CTNNA3: variants seen among roughly 807,000 people sequenced by gnomAD.
The protein encoded by CTNNA3 is catenin alpha 3.
A neutral mutation model predicts 95.7 loss-of-function variants in CTNNA3; 76 were observed. The observed-to-expected ratio is 0.79, with a 90% CI of 0.66 to 0.96. The LOEUF is 0.96. Ranked by LOEUF, CTNNA3 falls within the 40% of genes least tolerant of loss-of-function variation. CTNNA3 has a pLI of 0.00. For synonymous variants in CTNNA3, 431 were observed against 374.4 expected, an observed-to-expected ratio of 1.15 and a Z score of -1.74; for missense variants, 1,191 against 1,089.8, an observed-to-expected ratio of 1.09 and a Z score of -1.31.
chr10:67,682,548 T>TAA (rs1840647819), intron 1 of CTNNA3, among the ~76,000 whole-genome samples: 1 of 152,182 alleles, frequency 6.6e-6, no homozygotes, highest in African/African-American at 2.4e-5. Context: ...GTTAGGAACA[T>TAA]AAGCTCTTAG....
intron 7 of CTNNA3, among the ~76,000 whole-genome samples, chr10:66,991,916 A>G (rs1006671677): frequency 1.3e-5 from 2 of 151,600 alleles, no homozygotes; most frequent in Non-Finnish European, 2.9e-5. Context: ...TCTATTCACC[A>G]CTCCTGTTGG....
At chr10:66,025,744 A>C (rs763751569) in intron 15 of CTNNA3, among the ~76,000 whole-genome samples, 2 of 152,178 alleles carry the variant, frequency 1.3e-5, no homozygotes, top group Admixed American at 1.3e-4. Flanking sequence ...CAGCAATGAG[A>C]TATATCAAGC....
intron 15 of CTNNA3, among the ~76,000 whole-genome samples, chr10:66,049,541 C>T (rs559326959): frequency 1.3e-5 from 2 of 152,228 alleles, no homozygotes; most frequent in Middle Eastern, 3.4e-3. Context: ...TGGAATCAAC[C>T]TAAATGCCCA....
chr10:67,314,280 G>A (rs1373992622), intron 5 of CTNNA3, among the ~76,000 whole-genome samples: 1 of 152,188 alleles, frequency 6.6e-6, no homozygotes, highest in East Asian at 1.9e-4. Context: ...ACTAACTGCA[G>A]TCATTTTCGC....
chr10:66,935,863 T>G (rs1847667163), intron 7 of CTNNA3, among the ~76,000 whole-genome samples: 1 of 150,634 alleles, frequency 6.6e-6, no homozygotes, highest in Non-Finnish European at 1.5e-5. Context: ...CCTATACATT[T>G]TCACTTCTTT....
chr10:67,606,488 T>A (rs1843274885), intron 3 of CTNNA3, among the ~76,000 whole-genome samples: 1 of 152,224 alleles, frequency 6.6e-6, no homozygotes, highest in South Asian at 2.1e-4. Context: ...TCCCAGCTGT[T>A]TTCAAGGAAC....
At chr10:66,011,509 A>G (rs2079004135) in intron 15 of CTNNA3, among the ~76,000 whole-genome samples, 2 of 152,142 alleles carry the variant, frequency 1.3e-5, no homozygotes, top group South Asian at 4.1e-4. Context: ...AACCTAAACA[A>G]ATTTCCCACA....
intron 17 of CTNNA3, among the ~76,000 whole-genome samples, chr10:65,942,636 T>C (rs187948278): frequency 7.2e-5 from 11 of 152,334 alleles, no homozygotes; most frequent in Admixed American, 7.2e-4. Flanking sequence ...CTGAACTTCT[T>C]GCAAGGAGAA....
At chr10:66,690,554 C>T (rs1294805448) in intron 9 of CTNNA3, among the ~76,000 whole-genome samples, 1 of 151,336 alleles carries the variant, frequency 6.6e-6, no homozygotes, top group Admixed American at 6.6e-5. Context: ...CAATTCCCAC[C>T]TATGAGTGAG....
At chr10:67,262,215 C>G (rs1158042558) in intron 5 of CTNNA3, among the ~76,000 whole-genome samples, 1 of 152,080 alleles carries the variant, frequency 6.6e-6, no homozygotes, top group Non-Finnish European at 1.5e-5. Context: ...ACTATATTGG[C>G]ATTCAAGTAA....
chr10:66,663,921 G>A (rs1846350507), intron 9 of CTNNA3, among the ~76,000 whole-genome samples: 1 of 151,880 alleles, frequency 6.6e-6, no homozygotes, highest in South Asian at 2.1e-4. Context: ...TTTTCTAGTT[G>A]GACAAAGACT....
intron 13 of CTNNA3, among the ~76,000 whole-genome samples, chr10:66,107,521 G>T (rs1180357240): frequency 6.6e-6 from 1 of 152,100 alleles, no homozygotes; most frequent in Non-Finnish European, 1.5e-5. Flanking sequence ...AACAAATATA[G>T]AAGTTGAAGC....
chr10:67,631,793 A>T (rs570203731), intron 2 of CTNNA3, among the ~76,000 whole-genome samples: 1 of 110,522 alleles, frequency 9.0e-6, no homozygotes, highest in Admixed American at 8.7e-5. Flanking sequence ...ATTCAGTCAT[A>T]AAAAAAAGTA....
At chr10:67,082,747 A>G (rs542304623) in intron 7 of CTNNA3, among the ~76,000 whole-genome samples, 2 of 152,138 alleles carry the variant, frequency 1.3e-5, no homozygotes. Context: ...ATCAGCATAG[A>G]GAAGAGGATT....
intron 13 of CTNNA3, among the ~76,000 whole-genome samples, chr10:66,120,837 C>A (rs2082543512): frequency 6.6e-6 from 1 of 151,958 alleles, no homozygotes; most frequent in Non-Finnish European, 1.5e-5. Flanking sequence ...AAAGGAAAGT[C>A]CAAAGAGAGG....
chr10:66,198,866 A>G (rs1939563940), intron 13 of CTNNA3, among the ~76,000 whole-genome samples: 1 of 152,180 alleles, frequency 6.6e-6, no homozygotes, highest in African/African-American at 2.4e-5. Flanking sequence ...GAGAACACAT[A>G]ATATTGCTGG....
chr10:66,055,546 G>C (rs2080063981), intron 15 of CTNNA3, among the ~76,000 whole-genome samples: 1 of 151,806 alleles, frequency 6.6e-6, no homozygotes, highest in Admixed American at 6.6e-5. Context: ...AATGCTACTG[G>C]TTTTTATACA....
At chr10:66,591,273 T>C (rs970754656) in intron 10 of CTNNA3, among the ~76,000 whole-genome samples, 2 of 152,152 alleles carry the variant, frequency 1.3e-5, no homozygotes, top group Non-Finnish European at 2.9e-5. Flanking sequence ...GAGTGGTATA[T>C]AAAACATATT....
chr10:67,092,634 C>T (rs563221617), intron 7 of CTNNA3, among the ~76,000 whole-genome samples: 11 of 152,004 alleles, frequency 7.2e-5, no homozygotes, highest in African/African-American at 2.7e-4. Context: ...AACTTAGAAA[C>T]TTTAAAAAAC....
Sources: allele counts gnomAD v4.1 joint callset (sites outside exome capture counted in the v4.1 genomes callset), GRCh38; gene constraint gnomAD v4.1.1; transcripts MANE v1.5; gene names NCBI Gene and HGNC (gene_info 2026-07-23, HGNC 2026-07-21).